The following DLG2 variants were observed in gnomAD, a reference collection of about 807,000 sequenced individuals.
DLG2 encodes discs large MAGUK scaffold protein 2, also known as disks large homolog 2.
In DLG2, 45 loss-of-function variants were observed where a neutral mutation model predicts 132.5. The observed-to-expected ratio is 0.34, with a 90% CI of 0.27 to 0.44. The LOEUF (loss-of-function observed/expected upper bound fraction) is 0.44, where lower values mean the gene tolerates loss of function less well. DLG2 is among the 20% of genes least tolerant of loss of function. The pLI is 1.00. For missense variants in DLG2, 1,045 were observed against 1,196.9 expected (o/e 0.87, Z 1.87); for synonymous variants, 424 against 419.6 (o/e 1.01, Z -0.13).
At chr11:83,461,975 A>C (rs1392007729) in intron 27 of DLG2, 27 bp downstream of exon 27, 1 of 1,467,862 alleles carries the variant, frequency 6.8e-7, no homozygotes. Flanking sequence ...CCCCTTTCTC[A>C]CACTACCAGG....
At chr11:84,786,622 T>G (rs2072941127) in intron 6 of DLG2, among the ~76,000 whole-genome samples, 1 of 152,204 alleles carries the variant, frequency 6.6e-6, no homozygotes, top group South Asian at 2.1e-4. Context: ...ATTCCATTGT[T>G]AGGCCTTCTT....
chr11:85,126,482 G>A (rs916763780), intron 5 of DLG2, among the ~76,000 whole-genome samples: 2 of 152,102 alleles, frequency 1.3e-5, no homozygotes, highest in Non-Finnish European at 2.9e-5. Flanking sequence ...ACTATTAAAT[G>A]GTTAATCCCA....
Position 83,587,272 on chromosome 11 carries a change from T to C in DLG2, c.1941-45414A>G, listed in dbSNP as rs193151799. On this transcript the variant is annotated intron_variant, in intron 19 of 27. Coordinates refer to ENST00000376104, the MANE Select transcript of DLG2 (RefSeq NM_001142699.3). ...CCCATCTAACATTGAATTTGCTACT[T>C]TTTTTTTTTTTAATTTGAGACAGGG... Among the ~76,000 whole-genome samples, 15 of 146,882 alleles carry C rather than the reference T, an allele frequency of 1.0e-4. 1 individual carries two copies. In the South Asian group the frequency reaches 1.9e-3, roughly 19 times the overall value.
intron 6 of DLG2, among the ~76,000 whole-genome samples, chr11:84,815,212 G>A (rs934292126): frequency 5.3e-5 from 8 of 152,058 alleles, no homozygotes; most frequent in African/African-American, 1.9e-4. Flanking sequence ...CTTTATATCT[G>A]CACTCACTAG....
At chr11:85,325,165 C>A (rs1313671715) in intron 3 of DLG2, among the ~76,000 whole-genome samples, 2 of 144,058 alleles carry the variant, frequency 1.4e-5, no homozygotes, top group Non-Finnish European at 3.1e-5. Flanking sequence ...AGTCTGAGAT[C>A]AAACTGCAAG....
At chr11:84,802,940 C>T (rs570127673) in intron 6 of DLG2, among the ~76,000 whole-genome samples, 2 of 152,222 alleles carry the variant, frequency 1.3e-5, no homozygotes, top group East Asian at 3.9e-4. Context: ...GCTGGGACAA[C>T]AGGCACGTAC....
intron 3 of DLG2, among the ~76,000 whole-genome samples, chr11:85,381,786 CAAAGG>C (rs1485366407): frequency 6.6e-6 from 1 of 151,174 alleles, no homozygotes; most frequent in African/African-American, 2.4e-5. Context: ...ATAAGTTTAA[CAAAGG>C]AAGAGTAAAG....
intron 3 of DLG2, among the ~76,000 whole-genome samples, chr11:85,356,373 T>G (rs1006278824): frequency 1.3e-5 from 2 of 152,148 alleles, no homozygotes; most frequent in African/African-American, 4.8e-5. Context: ...TGTCCTTTTT[T>G]TTTTACATAA....
intron 7 of DLG2, among the ~76,000 whole-genome samples, chr11:84,351,299 A>C (rs528708331): frequency 4.6e-5 from 7 of 152,224 alleles, no homozygotes; most frequent in Admixed American, 2.0e-4. Context: ...CCCTGACTTC[A>C]TCTGTTTTTC....
chr11:85,360,610 G>A (rs774448551), intron 3 of DLG2, among the ~76,000 whole-genome samples: 9 of 152,120 alleles, frequency 5.9e-5, no homozygotes, highest in Non-Finnish European at 1.0e-4. Context: ...GATCTTCTCC[G>A]TGGAGTCTTA....
intron 22 of DLG2, among the ~76,000 whole-genome samples, chr11:83,481,060 T>TTTTA (rs1160689851): frequency 6.6e-6 from 1 of 152,130 alleles, no homozygotes; most frequent in African/African-American, 2.4e-5. Context: ...AGTTCCTTGT[T>TTTTA]TTTATTTTAG....
chr11:83,917,170 C>A (rs79592037), intron 15 of DLG2, among the ~76,000 whole-genome samples: 14 of 152,152 alleles, frequency 9.2e-5, no homozygotes, highest in African/African-American at 3.1e-4. Flanking sequence ...CAACCACTGA[C>A]ATTTGCTTAG....
At chr11:84,380,479 A>AT (rs2098745522) in intron 7 of DLG2, among the ~76,000 whole-genome samples, 1 of 152,088 alleles carries the variant, frequency 6.6e-6, no homozygotes, top group African/African-American at 2.4e-5. Flanking sequence ...ATATTTTTAA[A>AT]TTTTAAAAGT....
intron 9 of DLG2, among the ~76,000 whole-genome samples, chr11:84,118,653 C>A (rs548772419): frequency 3.9e-5 from 6 of 152,134 alleles, no homozygotes; most frequent in African/African-American, 9.7e-5. Context: ...GTACTTAACC[C>A]GAGTATAAAC....
chr11:85,203,079 A>G (rs111584722), intron 4 of DLG2, among the ~76,000 whole-genome samples: 9 of 150,982 alleles, frequency 6.0e-5, no homozygotes, highest in African/African-American at 2.2e-4. Flanking sequence ...CTAAATAAAT[A>G]TCCCATAGGT....
At chr11:85,243,280 G>A (rs535547689) in intron 4 of DLG2, among the ~76,000 whole-genome samples, 1 of 152,026 alleles carries the variant, frequency 6.6e-6, no homozygotes, top group Admixed American at 6.6e-5. Context: ...ATTCAAAAAT[G>A]CAATTGCTTA....
intron 17 of DLG2, among the ~76,000 whole-genome samples, chr11:83,804,402 A>G (rs1267437609): frequency 6.6e-6 from 1 of 152,092 alleles, no homozygotes; most frequent in African/African-American, 2.4e-5. Context: ...GATCTGAACT[A>G]TTGAAACAGG....
intron 3 of DLG2, among the ~76,000 whole-genome samples, chr11:85,542,326 C>G (rs1302238611): frequency 2.0e-5 from 3 of 152,062 alleles, no homozygotes; most frequent in African/African-American, 7.2e-5. Flanking sequence ...GAGAACTCCC[C>G]CACGGACCAA....
chr11:84,610,131 C>A (rs544894879), intron 6 of DLG2, among the ~76,000 whole-genome samples: 115 of 152,050 alleles, frequency 7.6e-4, no homozygotes, highest in Non-Finnish European at 1.4e-3. Context: ...TGATGAAATA[C>A]ATAAAATGAG....
Sources: allele counts gnomAD v4.1 joint callset (sites outside exome capture counted in the v4.1 genomes callset), GRCh38; gene constraint gnomAD v4.1.1; transcripts MANE v1.5; gene names NCBI Gene and HGNC (gene_info 2026-07-23, HGNC 2026-07-21).